The following BAG3 variants were observed in gnomAD, a reference collection of about 807,000 sequenced individuals.
BAG3 encodes the protein BAG family molecular chaperone regulator 3.
In BAG3, 14 loss-of-function variants were observed where a neutral mutation model predicts 40.5. The observed-to-expected ratio is 0.35, with a 90% confidence interval of 0.23 to 0.54. The LOEUF (loss-of-function observed/expected upper bound fraction) is 0.54. Among genes scored for constraint, BAG3 ranks in the 20% least tolerant of loss-of-function variants. The pLI is 0.91. For synonymous variants in BAG3, 302 were observed against 307.8 expected, an observed-to-expected ratio of 0.98 and a Z score of 0.20; for missense variants, 788 against 758.6, an observed-to-expected ratio of 1.04 and a Z score of -0.46.
At position 119,672,477 on chromosome 10, in the gene BAG3, C is replaced by G; in HGVS notation, c.730C>G (p.Gln244Glu). The change falls in exon 3 of 4, where the codon CAG becomes GAG. Residue 244 changes from glutamine (Q) to glutamate (E), a missense_variant. Coordinates refer to ENST00000369085, the MANE Select transcript of BAG3 (RefSeq NM_004281.4). The surrounding 1 kb of genome is among the most constrained non-coding windows in gnomAD (Gnocchi z 4.8). The part of the protein sequence containing the change: ...PAQQGEYQTH[Q>E]PVYHKIQGDD... ...GCAGCAGGGGGAGTACCAGACCCAC[C>G]AGCCTGTGTACCACAAGATCCAGGG... 1 of 1,614,212 alleles carries G rather than the reference C, an allele frequency of 6.2e-7. No homozygotes were observed. Among genetic ancestry groups the G allele is most frequent in the Non-Finnish European group, 8.5e-7 (1 of 1,180,036 alleles).
At chr10:119,665,238 G>A (rs1439847299) in intron 1 of BAG3, among the ~76,000 whole-genome samples, 2 of 150,264 alleles carry the variant, frequency 1.3e-5, no homozygotes, top group Non-Finnish European at 1.5e-5. Context: ...CCGGGTTCAC[G>A]CCATTCTCCT....
At chr10:119,675,546 G>A (rs552608866) in intron 3 of BAG3, among the ~76,000 whole-genome samples, 2 of 152,060 alleles carry the variant, frequency 1.3e-5, no homozygotes, top group South Asian at 2.1e-4. Flanking sequence ...AGGCTGTCAC[G>A]GTTTTAAAAA....
intron 1 of BAG3, among the ~76,000 whole-genome samples, chr10:119,659,380 G>A (rs1032939098): frequency 6.6e-6 from 1 of 152,232 alleles, no homozygotes; most frequent in Non-Finnish European, 1.5e-5. Context: ...AGCGCTGCCT[G>A]TGAGGGGGGA....
At chr10:119,665,088 T>TTGGTGTGTG in intron 1 of BAG3, among the ~76,000 whole-genome samples, 1 of 61,902 alleles carries the variant, frequency 1.6e-5, no homozygotes, top group African/African-American at 6.0e-5. Context: ...CAGCTAATTT[T>TTGGTGTGTG]TGTTTGTGTG....
At chr10:119,666,707 C>A (rs900224663) in intron 1 of BAG3, among the ~76,000 whole-genome samples, 3 of 77,544 alleles carry the variant, frequency 3.9e-5, no homozygotes, top group African/African-American at 1.4e-4. Context: ...GACTCCAAGC[C>A]CTGGAAGGGT....
chr10:119,651,912 G>C, intron 1 of BAG3, 57 bp downstream of exon 1: 2 of 1,435,180 alleles, frequency 1.4e-6, no homozygotes, highest in Non-Finnish European at 1.8e-6. Flanking sequence ...GGCAGGCGGC[G>C]GGGAGTGGGC....
chr10:119,675,002 G>A (rs1394033132), intron 3 of BAG3, among the ~76,000 whole-genome samples: 11 of 148,472 alleles, frequency 7.4e-5, no homozygotes, highest in Admixed American at 3.4e-4. Flanking sequence ...AACAAAAAGC[G>A]TCAAGATATT....
chr10:119,672,078 C>T lies in BAG3; in HGVS notation c.508-177C>T, dbSNP rs1306613846. ...TGCTGGGATTACAGGTGTGAGCCAC[C>T]GCGCCCAGCCCCAGAGCTCTCAGTC... is the stretch of plus-strand genomic sequence containing the variant. On this transcript the variant is annotated intron_variant, in intron 2 of 3. Coordinates refer to ENST00000369085, the MANE Select transcript of BAG3 (RefSeq NM_004281.4). This position sits in a 1 kb window ranked among gnomAD's most constrained non-coding sequence, Gnocchi z 4.8. 5.3e-5 allele frequency among the ~76,000 whole-genome samples: 8 copies of T among 152,162 alleles called. No homozygotes were observed. Among genetic ancestry groups the T allele is most frequent in the East Asian group, 1.9e-4 (1 of 5,194 alleles).
intron 1 of BAG3, among the ~76,000 whole-genome samples, chr10:119,655,973 C>T (rs1846904170): frequency 6.6e-6 from 1 of 152,138 alleles, no homozygotes; most frequent in Admixed American, 6.6e-5. Context: ...CTTCATACCA[C>T]CCATGAGGCT....
intron 2 of BAG3, among the ~76,000 whole-genome samples, chr10:119,671,695 G>A (rs542440175): frequency 6.6e-6 from 1 of 152,348 alleles, no homozygotes; most frequent in South Asian, 2.1e-4. Context: ...ATGAAGCTTA[G>A]AAAATGATTG....
chr10:119,665,211 A>T (rs1847048410), intron 1 of BAG3, among the ~76,000 whole-genome samples: 1 of 133,758 alleles, frequency 7.5e-6, no homozygotes, highest in African/African-American at 3.0e-5. Flanking sequence ...ATCTCGGCTC[A>T]CTGCAAGCTC....
chr10:119,675,761 T>TTCCTTCCTTCCTTCCC (rs1554877572), intron 3 of BAG3, among the ~76,000 whole-genome samples: 13 of 81,200 alleles, frequency 1.6e-4, no homozygotes, highest in Non-Finnish European at 2.5e-4. Flanking sequence ...CTTTCCTTCC[T>TTCCTTCCTTCCTTCCC]TCCTTCCCTC....
intron 1 of BAG3, among the ~76,000 whole-genome samples, chr10:119,659,821 T>C (rs985864046): frequency 6.6e-6 from 1 of 152,254 alleles, no homozygotes; most frequent in Non-Finnish European, 1.5e-5. Context: ...TTTCCTTGAC[T>C]CTGTCTAAAT....
chr10:119,658,889 C>T (rs1409854344), intron 1 of BAG3, among the ~76,000 whole-genome samples: 1 of 152,188 alleles, frequency 6.6e-6, no homozygotes, highest in African/African-American at 2.4e-5. Flanking sequence ...CTCCCGGAAA[C>T]ATATGCAGCC....
chr10:119,651,488 C>A lies in BAG3; in HGVS notation c.-188C>A. The A allele has an allele frequency of 2.1e-6, 1 of 468,332 alleles. No homozygotes were observed. The highest frequency in any genetic ancestry group is 3.6e-6 in the Non-Finnish European group (1 of 277,486). The allele number at this position is 468,332 out of a possible 1,614,324, so 29.0% of individuals were successfully genotyped here. A position where few individuals can be genotyped will look rare whatever the true frequency, so the allele number is the denominator to read the frequency against. On this transcript the variant is annotated 5_prime_UTR_variant, in exon 1 of 4. Transcript: ENST00000369085. ...TCCTTCCCCTCTGGCAGCGAGGAGGCTATTTCCAGACACTTCCACCCCTCT... is the reference window on the plus strand; with the variant it reads ...TCCTTCCCCTCTGGCAGCGAGGAGGATATTTCCAGACACTTCCACCCCTCT...
At chr10:119,671,441 G>A (rs1847148842) in intron 2 of BAG3, among the ~76,000 whole-genome samples, 1 of 152,248 alleles carries the variant, frequency 6.6e-6, no homozygotes, top group Non-Finnish European at 1.5e-5. Context: ...TCAATTTCGA[G>A]GTGAATAGAA....
intron 1 of BAG3, among the ~76,000 whole-genome samples, chr10:119,665,128 A>T (rs12779211): frequency 1.5e-5 from 1 of 65,764 alleles, no homozygotes; most frequent in Non-Finnish European, 3.1e-5. Flanking sequence ...GTGTGTGTGT[A>T]TATATATATA....
rs758309477 is a variant in BAG3, at chr10:119,676,800, C to G, written c.1246C>G (p.Pro416Ala). Reference protein sequence around the residue: ...TPPKPGEAEAPPKHPGVLKVE... With the variant: ...TPPKPGEAEAAPKHPGVLKVE... ...TCCAAAACCAGGAGAAGCCGAGGCT[C>G]CCCCAAAACATCCAGGAGTGCTGAA... The change falls in exon 4 of 4, where the codon CCC (proline) becomes GCC (alanine). Residue 416 changes from proline (P) to alanine (A), a missense_variant. Coordinates refer to ENST00000369085, the MANE Select transcript of BAG3 (RefSeq NM_004281.4). The G allele has an allele frequency of 6.2e-7, 1 of 1,614,012 alleles. No homozygotes were observed. The highest frequency in any genetic ancestry group is 8.5e-7 in the Non-Finnish European group (1 of 1,180,020).
chr10:119,654,477 G>C (rs192030932), intron 1 of BAG3, among the ~76,000 whole-genome samples: 1 of 152,188 alleles, frequency 6.6e-6, no homozygotes, highest in Non-Finnish European at 1.5e-5. Flanking sequence ...TTCTACTGCC[G>C]TCTTGCAGTT....
Sources: gnomAD v4.1 joint callset for allele counts (sites outside exome capture counted in the v4.1 genomes callset) on GRCh38, gnomAD v4.1.1 for gene constraint, Gnocchi (gnomAD v3.1) non-coding constraint, MANE v1.5 for transcripts, NCBI Gene and HGNC (gene_info 2026-07-23, HGNC 2026-07-21) for gene names.